Variants in DDHD1 observed in about 807,000 individuals in gnomAD.
The protein encoded by DDHD1 is DDHD domain containing 1.
A neutral mutation model predicts 96.4 loss-of-function variants in DDHD1; 49 were observed. That is an observed-to-expected ratio of 0.51 (90% CI 0.40 to 0.64). DDHD1 has a LOEUF of 0.64. DDHD1 is among the 30% of genes least tolerant of loss of function. The pLI is 0.00. For synonymous variants in DDHD1, 442 were observed against 446.5 expected, an observed-to-expected ratio of 0.99 and a Z score of 0.13; for missense variants, 1,106 against 1,161.2, an observed-to-expected ratio of 0.95 and a Z score of 0.69.
chr14:53,085,600 C>A (rs1885878187), intron 4 of DDHD1, among the ~76,000 whole-genome samples: 1 of 152,170 alleles, frequency 6.6e-6, no homozygotes, highest in Non-Finnish European at 1.5e-5. Flanking sequence ...GGAATAGCAG[C>A]AGCATCAACA....
At chr14:53,113,405 A>G (rs1355034867) in intron 1 of DDHD1, among the ~76,000 whole-genome samples, 4 of 78,148 alleles carry the variant, frequency 5.1e-5, no homozygotes, top group Non-Finnish European at 1.1e-4. Context: ...AAAAAAAAAA[A>G]AAAAAAAAGT....
rs971915475 is a variant in DDHD1, at chr14:53,040,959, G to T, written c.*5809C>A. 6.6e-6 allele frequency: 1 copy of T among 152,064 alleles called. No individual in the cohort carries two copies. The highest frequency in any genetic ancestry group is 2.4e-5 in the African/African-American group (1 of 41,470). The allele number at this position is 152,064 out of a possible 1,614,324, so 9.4% of individuals were successfully genotyped here. On this transcript the variant is annotated 3_prime_UTR_variant, in exon 13 of 13. Transcript: ENST00000673822. The stretch of plus-strand genomic sequence containing the variant: ...TCCATCTTCTTACTGGCAAAGTTGG[G>T]ATTATGGCAGCCTTAGAACCAGAAA...
chr14:53,103,777 A>T lies in DDHD1; in HGVS notation c.918T>A (p.Asn306Lys), dbSNP rs1887488312. The T allele has an allele frequency of 6.2e-7, 1 of 1,613,612 alleles. No individual in the cohort carries two copies. The highest frequency in any genetic ancestry group is 1.7e-5 in the Admixed American group (1 of 59,898). Reference protein sequence around the residue: ...TWQPLEEEESNLIEQEHLNCF... With the variant: ...TWQPLEEEESKLIEQEHLNCF... ...AATTGAGATGTTCTTGCTCAATTAAATTACTTTCTTCCTCTTCTAGAGGCT... is the reference window on the plus strand; with the variant it reads ...AATTGAGATGTTCTTGCTCAATTAATTTACTTTCTTCCTCTTCTAGAGGCT... The change falls in exon 2 of 13, where the codon AAT becomes AAA. Residue 306 changes from asparagine (N) to lysine (K), a missense_variant. Transcript: ENST00000673822.
rs148595049 is a variant in DDHD1 at position 53,119,210 on chromosome 14, T to C, written c.839-15354A>G. 3.1e-3 allele frequency among the ~76,000 whole-genome samples: 465 copies of C among 152,212 alleles called. 2 individuals are homozygous for C. The highest frequency in any genetic ancestry group is 0.011 in the African/African-American group (449 of 41,542). On this transcript the variant is annotated intron_variant, in intron 1 of 12. Coordinates refer to ENST00000673822, the MANE Select transcript of DDHD1 (RefSeq NM_001160148.2). ...ACCAGTACCAGCCACTGCAAAAACA[T>C]GACAAATGGTAAAGACCATTGATGC...
At chr14:53,093,151 G>A (rs927289496) in intron 3 of DDHD1, 165 bp downstream of exon 3, 2 of 544,534 alleles carry the variant, frequency 3.7e-6, no homozygotes, top group Admixed American at 4.2e-5. Flanking sequence ...ATGAACACAT[G>A]TCAACTCAAT....
At chr14:53,097,069 T>G (rs1259500561) in intron 2 of DDHD1, among the ~76,000 whole-genome samples, 1 of 152,020 alleles carries the variant, frequency 6.6e-6, no homozygotes, top group Non-Finnish European at 1.5e-5. Context: ...CACTTGAACT[T>G]GAACCTTACA....
intron 1 of DDHD1, among the ~76,000 whole-genome samples, chr14:53,132,667 G>T (rs1174777156): frequency 6.6e-6 from 1 of 152,126 alleles, no homozygotes; most frequent in East Asian, 1.9e-4. Context: ...GCAGAAAGAG[G>T]TTTCCTCACT....
intron 2 of DDHD1, among the ~76,000 whole-genome samples, chr14:53,097,093 C>A (rs1886947107): frequency 6.6e-6 from 1 of 151,944 alleles, no homozygotes; most frequent in Admixed American, 6.6e-5. Flanking sequence ...TAGTTTCTCA[C>A]CAGTTAATAA....
intron 4 of DDHD1, among the ~76,000 whole-genome samples, chr14:53,091,079 AAC>A (rs1334444587): frequency 2.0e-5 from 3 of 152,136 alleles, no homozygotes; most frequent in Non-Finnish European, 4.4e-5. Context: ...GCTTGTCAAC[AAC>A]AGACTTGTTC....
At chr14:53,053,582 GCAGA>G (rs1882790090) in intron 11 of DDHD1, 2 of 152,028 alleles carry the variant, frequency 1.3e-5, no homozygotes, top group Admixed American at 1.3e-4. Context: ...ATTTAGAGTA[GCAGA>G]CACAGTAAGA....
rs1423040618 is a variant in DDHD1 at position 53,047,432 on chromosome 14, T to TA, written c.2522-484dup. On this transcript the variant is annotated intron_variant, in intron 12 of 12. Transcript: ENST00000673822. Reference sequence around the variant, plus strand: ...GTTGTGTGAGGGATATGTTAGAAGATAACCATCTGTGTACAATCCTAGAAT... The same window carrying TA: ...GTTGTGTGAGGGATATGTTAGAAGATAAACCATCTGTGTACAATCCTAGAAT... Among the ~76,000 whole-genome samples, 10 of 152,318 alleles carry TA rather than the reference T, an allele frequency of 6.6e-5. No individual in the cohort carries two copies. The East Asian group carries it at 1.9e-3, about 29-fold the overall frequency.
In DDHD1 at chr14:53,152,854, G is replaced by A. The variant is rs1273114560; in HGVS notation, c.245C>T (p.Pro82Leu). 1 of 1,611,906 alleles carries A rather than the reference G, an allele frequency of 6.2e-7. No homozygotes were observed. The highest frequency in any genetic ancestry group is 8.5e-7 in the Non-Finnish European group (1 of 1,179,254). The change falls in exon 1 of 13, where the codon CCC (proline) becomes CTC (leucine). Residue 82 changes from proline (P) to leucine (L), a missense_variant. By Grantham distance (98) the Pro-to-Leu change is moderately conservative (BLOSUM62 -3). Coordinates refer to ENST00000673822, the MANE Select transcript of DDHD1 (RefSeq NM_001160148.2). ...DDHNHHLALD[P>L]CLSDENYDFS... ...GTCATAGTTCTCGTCACTGAGGCAG[G>A]GGTCCAGCGCGAGGTGGTGGTTGTG...
At chr14:53,112,316 C>A (rs1888168738) in intron 1 of DDHD1, among the ~76,000 whole-genome samples, 1 of 151,852 alleles carries the variant, frequency 6.6e-6, no homozygotes, top group Admixed American at 6.6e-5. Context: ...ACTTGGGAGG[C>A]TGAGGCAGAA....
At position 53,152,912 on chromosome 14, in the gene DDHD1, G is replaced by C. The variant is rs751194687; in HGVS notation, c.187C>G (p.Pro63Ala). 2 of 1,608,062 alleles carry C rather than the reference G, an allele frequency of 1.2e-6. No homozygotes were observed. Among genetic ancestry groups the C allele is most frequent in the Admixed American group, 1.7e-5 (1 of 59,568 alleles). ...DVPLALLRGE[P>A]GLHLAPGTDD... ...GTGCCCGGCGCCAAATGCAGCCCGG[G>C]TTCCCCGCGCAGCAGGGCCAGGGGC... is the stretch of plus-strand genomic sequence containing the variant. The change falls in exon 1 of 13, where the codon CCC (proline) becomes GCC (alanine). Residue 63 changes from proline to alanine, a missense_variant. Pro to Ala is a conservative substitution (Grantham distance 27). Transcript: ENST00000673822.
intron 4 of DDHD1, among the ~76,000 whole-genome samples, chr14:53,089,874 G>C (rs1051742261): frequency 3.3e-5 from 5 of 152,206 alleles, no homozygotes; most frequent in South Asian, 2.1e-4. Context: ...TTGACAAAAG[G>C]GATCTAATTA....
At position 53,103,720 on chromosome 14, in the gene DDHD1, G is replaced by A. The variant is rs771452527; in HGVS notation, c.975C>T (p.Phe325=). 8 of 1,612,200 alleles carry A rather than the reference G, an allele frequency of 5.0e-6. No homozygotes were observed. The highest frequency in any genetic ancestry group is 3.3e-5 in the South Asian group (3 of 90,812). Residue 325 remains phenylalanine (F), a synonymous_variant, in exon 2 of 13, where the codon TTC becomes TTT. Transcript: ENST00000673822. ...CFRGQQMQEN[F]DIEVSKSIDG... ...CTATGGATTTTGACACTTCAATATCGAAATTTTCCTGCATCTGCTGGCCCC... is the reference window on the plus strand; with the variant it reads ...CTATGGATTTTGACACTTCAATATCAAAATTTTCCTGCATCTGCTGGCCCC...
intron 1 of DDHD1, among the ~76,000 whole-genome samples, chr14:53,112,315 G>A (rs1417268580): frequency 6.6e-6 from 1 of 152,044 alleles, no homozygotes; most frequent in Non-Finnish European, 1.5e-5. Flanking sequence ...TACTTGGGAG[G>A]CTGAGGCAGA....
At chr14:53,103,130 GA>G in intron 2 of DDHD1, 1 of 1,424,278 alleles carries the variant, frequency 7.0e-7, no homozygotes, top group Non-Finnish European at 9.6e-7. Context: ...GACACACAAT[GA>G]AAATGTGGCA....
At chr14:53,143,804 G>A (rs1183409112) in intron 1 of DDHD1, among the ~76,000 whole-genome samples, 1 of 152,192 alleles carries the variant, frequency 6.6e-6, no homozygotes, top group Non-Finnish European at 1.5e-5. Context: ...TCTTTATTAT[G>A]GCTAGCAGAT....
Sources: allele counts gnomAD v4.1 joint callset (sites outside exome capture counted in the v4.1 genomes callset), GRCh38; gene constraint gnomAD v4.1.1; transcripts MANE v1.5; gene names NCBI Gene and HGNC (gene_info 2026-07-23, HGNC 2026-07-21).